Variants in MMS22L observed in about 807,000 individuals in gnomAD.
MMS22L encodes MMS22 like, DNA repair protein, also known as protein MMS22-like.
Under a neutral mutation model 159.1 loss-of-function variants are expected in MMS22L, and 74 were observed. The ratio of observed to expected loss-of-function variants is 0.47; its 90% CI spans 0.39 to 0.56. The LOEUF is 0.56. MMS22L is among the 20% of genes least tolerant of loss of function. The pLI is 0.00. For missense variants in MMS22L, 1,351 were observed against 1,422.1 expected (o/e 0.95, Z 0.80); for synonymous variants, 517 against 506.9 (o/e 1.02, Z -0.27).
At chr6:97,182,140 G>GTT (rs199987050) in intron 15 of MMS22L, 86 bp from the exon 16 acceptor site, 3,328 of 730,212 alleles carry the variant, frequency 4.6e-3, no homozygotes, top group East Asian at 0.011. Context: ...TATAACAAGT[G>GTT]TTTTTTTTTT....
At chr6:97,251,420 T>C (rs2128050723) in intron 10 of MMS22L, among the ~76,000 whole-genome samples, 1 of 152,332 alleles carries the variant, frequency 6.6e-6, no homozygotes, top group South Asian at 2.1e-4. Flanking sequence ...GCAGCACATA[T>C]TTTACCCCTA....
intron 11 of MMS22L, among the ~76,000 whole-genome samples, chr6:97,241,878 A>G (rs1037639907): frequency 1.3e-5 from 2 of 152,178 alleles, no homozygotes; most frequent in Non-Finnish European, 2.9e-5. Flanking sequence ...ATCATTCAGA[A>G]GCAGATTATT....
chr6:97,258,697 A>G (rs1429685066), intron 9 of MMS22L: 1 of 152,210 alleles, frequency 6.6e-6, no homozygotes, highest in African/African-American at 2.4e-5. Flanking sequence ...TGTCCAGTCC[A>G]AGAATACAAA....
chr6:97,280,260 T>G (rs1816639978), intron 3 of MMS22L, among the ~76,000 whole-genome samples: 1 of 152,210 alleles, frequency 6.6e-6, no homozygotes, highest in African/African-American at 2.4e-5. Context: ...AACTGACTCC[T>G]GTTTAAAATT....
intron 14 of MMS22L, among the ~76,000 whole-genome samples, chr6:97,212,951 A>C (rs1188213471): frequency 6.6e-6 from 1 of 152,252 alleles, no homozygotes; most frequent in Non-Finnish European, 1.5e-5. Context: ...AACTATGTAC[A>C]GTTCCTAAAC....
chr6:97,220,311 C>T (rs1809492394), intron 14 of MMS22L, among the ~76,000 whole-genome samples: 1 of 152,066 alleles, frequency 6.6e-6, no homozygotes, highest in Non-Finnish European at 1.5e-5. Context: ...GCTTTAAAGA[C>T]CATGATAAGA....
chr6:97,162,838 G>A (rs573501078), intron 21 of MMS22L, among the ~76,000 whole-genome samples: 1 of 152,002 alleles, frequency 6.6e-6, no homozygotes, highest in Non-Finnish European at 1.5e-5. Context: ...CATAACAAGT[G>A]TTCAGTATAC....
intron 6 of MMS22L, 177 bp from the exon 7 acceptor site, chr6:97,270,169 T>A (rs1815572692): frequency 3.1e-6 from 2 of 645,390 alleles, no homozygotes; most frequent in Non-Finnish European, 5.5e-6. Context: ...TCACTGAAGA[T>A]CTTTGAAAGC....
chr6:97,259,815 T>C (rs185524105), intron 9 of MMS22L: 3 of 152,258 alleles, frequency 2.0e-5, no homozygotes, highest in East Asian at 3.9e-4. Context: ...CTCTTTTATA[T>C]ATAAGAATTT....
At chr6:97,276,843 G>A (rs746981252) in intron 4 of MMS22L, among the ~76,000 whole-genome samples, 6 of 152,022 alleles carry the variant, frequency 3.9e-5, no homozygotes. Context: ...CTTTATCACC[G>A]TACCTTTTCA....
intron 14 of MMS22L, among the ~76,000 whole-genome samples, chr6:97,212,337 G>A (rs980964935): frequency 6.6e-6 from 1 of 152,114 alleles, no homozygotes; most frequent in Admixed American, 6.5e-5. Context: ...AATAAAAGGG[G>A]ACAGAGATGT....
intron 10 of MMS22L, 31 bp from the exon 11 acceptor site, chr6:97,246,721 T>C: frequency 2.0e-6 from 3 of 1,498,626 alleles, no homozygotes; most frequent in Non-Finnish European, 2.8e-6. Context: ...GCATCAAAAT[T>C]ATTGCTCTTG....
chr6:97,225,566 C>T (rs934415026), intron 14 of MMS22L, among the ~76,000 whole-genome samples: 2 of 150,204 alleles, frequency 1.3e-5, no homozygotes, highest in African/African-American at 4.9e-5. Flanking sequence ...CCAGGCTGGT[C>T]TCGAAGTTTT....
chr6:97,179,505 G>C lies in MMS22L; in HGVS notation c.2439C>G (p.Thr813=). The C allele has an allele frequency of 1.2e-6, 2 of 1,613,120 alleles. No homozygotes were observed. The highest frequency in any genetic ancestry group is 1.7e-6 in the Non-Finnish European group (2 of 1,179,516). Residue 813 remains threonine (T), a synonymous_variant, in exon 17 of 25, where the codon ACC becomes ACG. Coordinates refer to ENST00000683635, the MANE Select transcript of MMS22L (RefSeq NM_001350599.2). The part of the protein sequence containing the change: ...HSGYVSFQAL[T]VRSWIRCVLQ... ...AAACACAACGAATCCATGATCTTAC[G>C]GTTAAGGCTTGAAAAGATACATAGC...
intron 1 of MMS22L, 138 bp from the exon 2 acceptor site, chr6:97,282,691 C>G (rs1345708847): frequency 3.9e-6 from 2 of 506,538 alleles, no homozygotes; most frequent in Non-Finnish European, 7.0e-6. Context: ...CTCCGTCCAT[C>G]AAGGCTGTCA....
At chr6:97,266,131 C>A (rs765801368) in intron 8 of MMS22L, 2 of 152,154 alleles carry the variant, frequency 1.3e-5, no homozygotes, top group Non-Finnish European at 2.9e-5. Context: ...TCACCTCAAA[C>A]CTGTTATAAT....
chr6:97,152,270 C>T (rs1316100457), intron 22 of MMS22L, among the ~76,000 whole-genome samples: 2 of 151,908 alleles, frequency 1.3e-5, no homozygotes, highest in African/African-American at 4.8e-5. Flanking sequence ...CCTCCCACCC[C>T]CTCACAAACA....
intron 22 of MMS22L, among the ~76,000 whole-genome samples, chr6:97,155,944 C>A (rs1195483987): frequency 6.6e-6 from 1 of 152,102 alleles, no homozygotes; most frequent in Non-Finnish European, 1.5e-5. Flanking sequence ...ATTCACACTC[C>A]CAACAGTGTG....
At chr6:97,181,037 G>C (rs922812674) in intron 16 of MMS22L, among the ~76,000 whole-genome samples, 25 of 152,126 alleles carry the variant, frequency 1.6e-4, no homozygotes, top group Non-Finnish European at 5.9e-5. Context: ...TACACACGAC[G>C]TATGTGTAGG....
Sources: gnomAD v4.1 joint callset for allele counts (sites outside exome capture counted in the v4.1 genomes callset) on GRCh38, gnomAD v4.1.1 for gene constraint, MANE v1.5 for transcripts, NCBI Gene and HGNC (gene_info 2026-07-23, HGNC 2026-07-21) for gene names.